ATRNL1: variants seen among roughly 807,000 people sequenced by gnomAD.
The protein encoded by ATRNL1 is attractin-like protein 1.
In ATRNL1, 95 loss-of-function variants were observed where a neutral mutation model predicts 182.7. That is an observed-to-expected ratio of 0.52 (90% CI 0.44 to 0.62). The LOEUF is 0.62. ATRNL1 is among the 20% of genes least tolerant of loss of function. ATRNL1 has a pLI of 0.00. For synonymous variants in ATRNL1, 576 were observed against 568.3 expected (o/e 1.01, Z -0.19); for missense variants, 1,471 against 1,679.5 (o/e 0.88, Z 2.17).
Position 115,265,228 on chromosome 10 carries a change from C to A in ATRNL1, c.1723C>A (p.Leu575Ile), listed in dbSNP as rs781992439. Residue 575 changes from leucine to isoleucine, a missense_variant, in exon 11 of 29, where the codon CTT (leucine) becomes ATT (isoleucine). Around this residue, in one of 3 missense-constraint regions of ATRNL1, gnomAD observed 1,031 missense variants for 1,156.0 expected, o/e 0.89. Transcript: ENST00000355044. ...DEWKILPKPN[L>I]HRDVNRFGHS... ...ATGGAAAATACTACCAAAACCAAATCTTCATAGAGATGTCAACAGATTTGG... is the reference window on the plus strand; with the variant it reads ...ATGGAAAATACTACCAAAACCAAATATTCATAGAGATGTCAACAGATTTGG... 3 of 1,608,600 alleles carry A rather than the reference C, an allele frequency of 1.9e-6. No homozygotes were observed. In the South Asian group the frequency reaches 3.3e-5, roughly 18 times the overall value.
At chr10:115,774,972 A>G (rs1555077473) in intron 27 of ATRNL1, among the ~76,000 whole-genome samples, 1 of 152,194 alleles carries the variant, frequency 6.6e-6, no homozygotes, top group Non-Finnish European at 1.5e-5. Context: ...GACGTTGACT[A>G]ATAGTCATAA....
intron 19 of ATRNL1, among the ~76,000 whole-genome samples, chr10:115,347,829 T>G (rs1285674590): frequency 6.6e-6 from 1 of 152,104 alleles, no homozygotes; most frequent in Non-Finnish European, 1.5e-5. Flanking sequence ...TATGTGTGTA[T>G]ATGTATACTA....
At chr10:115,556,031 C>T (rs2784802) in intron 26 of ATRNL1, among the ~76,000 whole-genome samples, 147,940 of 152,098 alleles carry the variant, frequency 0.97, 72,110 homozygotes, top group East Asian at 1. Flanking sequence ...TCTGTCAGAC[C>T]GAACCATACA....
At chr10:115,774,418 T>TC (rs1949068819) in intron 27 of ATRNL1, among the ~76,000 whole-genome samples, 1 of 63,172 alleles carries the variant, frequency 1.6e-5, no homozygotes, top group Non-Finnish European at 2.6e-5. Flanking sequence ...AGAGCAAGAC[T>TC]CCATCTCAAA....
chr10:115,716,557 T>C (rs1193204050), intron 26 of ATRNL1, among the ~76,000 whole-genome samples: 3 of 152,190 alleles, frequency 2.0e-5, no homozygotes, highest in African/African-American at 7.2e-5. Flanking sequence ...TGGCTCAGAA[T>C]TGAATCATTA....
At chr10:115,607,567 T>C (rs551358537) in intron 26 of ATRNL1, among the ~76,000 whole-genome samples, 1 of 151,984 alleles carries the variant, frequency 6.6e-6, no homozygotes, top group African/African-American at 2.4e-5. Flanking sequence ...ACCCCCTTTT[T>C]ACAGTTGAGG....
At chr10:115,207,376 C>T (rs1554894026) in intron 8 of ATRNL1, among the ~76,000 whole-genome samples, 1 of 152,078 alleles carries the variant, frequency 6.6e-6, no homozygotes, top group Admixed American at 6.6e-5. Context: ...TTAATGATCG[C>T]CGTTCTAACT....
rs142691794 is a variant in ATRNL1, at chr10:115,707,099, G to A, written c.3796-20149G>A. On this transcript the variant is annotated intron_variant, in intron 26 of 28. Transcript: ENST00000355044. ...ACTCAGGCAGGTACTAATCCGTGTCGCTTTTATCCTGTAGTATCACATAAT... is the reference window on the plus strand; with the variant it reads ...ACTCAGGCAGGTACTAATCCGTGTCACTTTTATCCTGTAGTATCACATAAT... Among the ~76,000 whole-genome samples, 864 of 151,750 alleles carry A rather than the reference G, an allele frequency of 5.7e-3. 1 individual carries two copies. Among genetic ancestry groups the A allele is most frequent in the Non-Finnish European group, 9.2e-3 (627 of 67,810 alleles).
chr10:115,625,312 A>C (rs1312474444), intron 26 of ATRNL1, among the ~76,000 whole-genome samples: 1 of 152,194 alleles, frequency 6.6e-6, no homozygotes. Context: ...TGTCACTGTA[A>C]ATTTTTTGAG....
At chr10:115,786,937 CA>C (rs1278646234) in intron 27 of ATRNL1, among the ~76,000 whole-genome samples, 3 of 152,124 alleles carry the variant, frequency 2.0e-5, no homozygotes, top group African/African-American at 7.2e-5. Flanking sequence ...AGGTCAGAAA[CA>C]GTAAAACATT....
chr10:115,622,199 C>G (rs959908678), intron 26 of ATRNL1, among the ~76,000 whole-genome samples: 1 of 152,084 alleles, frequency 6.6e-6, no homozygotes, highest in Non-Finnish European at 1.5e-5. Flanking sequence ...GGATATGCAG[C>G]CTATAGGATT....
chr10:115,829,137 C>T (rs1950504889), intron 27 of ATRNL1, among the ~76,000 whole-genome samples: 1 of 151,714 alleles, frequency 6.6e-6, no homozygotes, highest in Admixed American at 6.6e-5. Context: ...ATATTTTTAT[C>T]ATAAGAGTGA....
intron 24 of ATRNL1, among the ~76,000 whole-genome samples, chr10:115,491,267 C>T (rs1166919550): frequency 1.3e-5 from 2 of 152,162 alleles, no homozygotes; most frequent in Admixed American, 6.5e-5. Context: ...AGAGCTTGAA[C>T]GCTCTGCTGG....
chr10:115,235,613 C>T (rs1554901212), intron 9 of ATRNL1, among the ~76,000 whole-genome samples: 1 of 151,896 alleles, frequency 6.6e-6, no homozygotes, highest in Non-Finnish European at 1.5e-5. Flanking sequence ...TCTCAATATA[C>T]CATATTTTAA....
At chr10:115,611,223 A>C (rs1565211852) in intron 26 of ATRNL1, among the ~76,000 whole-genome samples, 1 of 152,122 alleles carries the variant, frequency 6.6e-6, no homozygotes, top group Admixed American at 6.5e-5. Context: ...GTAAATCATA[A>C]GAAAATTGGA....
intron 10 of ATRNL1, among the ~76,000 whole-genome samples, chr10:115,255,036 T>C (rs537783646): frequency 6.6e-6 from 1 of 152,232 alleles, no homozygotes; most frequent in East Asian, 1.9e-4. Context: ...TTGGTTACTG[T>C]AGCCTTGTAG....
At chr10:115,618,901 G>A (rs1447522182) in intron 26 of ATRNL1, among the ~76,000 whole-genome samples, 4 of 152,040 alleles carry the variant, frequency 2.6e-5, no homozygotes, top group Non-Finnish European at 5.9e-5. Context: ...AGGGTTTTTT[G>A]TGTTCATACC....
At chr10:115,278,781 A>G (rs1852216658) in intron 13 of ATRNL1, among the ~76,000 whole-genome samples, 1 of 152,168 alleles carries the variant, frequency 6.6e-6, no homozygotes, top group Admixed American at 6.5e-5. Flanking sequence ...GTTTTGTCTG[A>G]ATATGGAATT....
chr10:115,505,232 A>ACTGAATCCT (rs1477883819), intron 24 of ATRNL1, among the ~76,000 whole-genome samples: 1 of 152,012 alleles, frequency 6.6e-6, no homozygotes, highest in Non-Finnish European at 1.5e-5. Flanking sequence ...CAGAGCCCAC[A>ACTGAATCCT]CTGAATCCTG....
Sources: allele counts gnomAD v4.1 joint callset (sites outside exome capture counted in the v4.1 genomes callset), GRCh38; gene constraint gnomAD v4.1.1; regional missense constraint gnomAD v4.1.1; transcripts MANE v1.5; gene names NCBI Gene and HGNC (gene_info 2026-07-23, HGNC 2026-07-21).